The following CSMD1 variants were observed in gnomAD, a reference collection of about 807,000 sequenced individuals.
CSMD1 encodes the protein CUB and sushi domain-containing protein 1.
In CSMD1, 213 loss-of-function variants were observed where a neutral mutation model predicts 417.5. The ratio of observed to expected loss-of-function variants is 0.51; its 90% CI spans 0.46 to 0.57. The LOEUF (loss-of-function observed/expected upper bound fraction) is 0.57, where lower values mean the gene tolerates loss of function less well. Ranked by LOEUF, CSMD1 falls within the 20% of genes least tolerant of loss-of-function variation. The probability of loss-of-function intolerance (pLI) is 0.00; values close to 1 mark genes in which losing one functional copy is unlikely to be tolerated. For synonymous variants in CSMD1, 2,862 were observed against 1,736.8 expected (o/e 1.65, Z -16.11); for missense variants, 6,923 against 4,529.7 (o/e 1.53, Z -15.17).
At chr8:4,903,981 A>T (rs1805068009) in intron 1 of CSMD1, among the ~76,000 whole-genome samples, 1 of 152,234 alleles carries the variant, frequency 6.6e-6, no homozygotes, top group Non-Finnish European at 1.5e-5. Context: ...CATAAAGTGT[A>T]AAATCATATG....
In CSMD1 at chr8:4,199,081, G is replaced by A. The variant is rs535230401; in HGVS notation, c.416-166982C>T. Among the ~76,000 whole-genome samples, 40 of 152,212 alleles carry A rather than the reference G, an allele frequency of 2.6e-4. 1 individual carries two copies. The highest frequency in any genetic ancestry group is 2.2e-3 in the Admixed American group (34 of 15,286). ...CTGGCAAAACCCCTGAGGTAGTAGA[G>A]CCAGCGCCCAGCTCACCCTGAGCTT... is the stretch of plus-strand genomic sequence containing the variant. On this transcript the variant is annotated intron_variant, in intron 3 of 69. Transcript: ENST00000635120.
chr8:3,324,682 C>G (rs555613708), intron 23 of CSMD1, among the ~76,000 whole-genome samples: 1 of 151,302 alleles, frequency 6.6e-6, no homozygotes, highest in East Asian at 2.0e-4. Context: ...TCCTTCACCC[C>G]ACTTTTCGTC....
intron 11 of CSMD1, among the ~76,000 whole-genome samples, chr8:3,492,206 C>G (rs552242760): frequency 5.9e-5 from 9 of 152,232 alleles, no homozygotes; most frequent in African/African-American, 1.7e-4. Flanking sequence ...TTCTCCATTG[C>G]TTCAGTGGAG....
intron 2 of CSMD1, among the ~76,000 whole-genome samples, chr8:4,559,370 T>C (rs1050028830): frequency 2.0e-5 from 3 of 152,172 alleles, no homozygotes; most frequent in Admixed American, 1.3e-4. Flanking sequence ...TTATAAAATA[T>C]TAAAAAAAAT....
intron 1 of CSMD1, among the ~76,000 whole-genome samples, chr8:4,745,900 C>A (rs755820928): frequency 2.0e-5 from 3 of 152,156 alleles, no homozygotes; most frequent in African/African-American, 7.2e-5. Context: ...CAGCCACTTC[C>A]GTGCAATCAA....
chr8:3,054,145 G>A (rs1015766255), intron 49 of CSMD1, among the ~76,000 whole-genome samples: 1 of 152,114 alleles, frequency 6.6e-6, no homozygotes, highest in Non-Finnish European at 1.5e-5. Flanking sequence ...CGGTATTGTT[G>A]GAGTTCCTTG....
At chr8:3,138,478 A>T (rs1818238516) in intron 41 of CSMD1, among the ~76,000 whole-genome samples, 2 of 152,200 alleles carry the variant, frequency 1.3e-5, no homozygotes, top group Non-Finnish European at 2.9e-5. Context: ...TGAGTCCAGA[A>T]GTAGAGAGAA....
intron 63 of CSMD1, among the ~76,000 whole-genome samples, chr8:2,956,828 A>G (rs1554471426): frequency 6.6e-6 from 1 of 152,180 alleles, no homozygotes; most frequent in Non-Finnish European, 1.5e-5. Context: ...AGTAACCACA[A>G]CAAATACCTG....
At chr8:3,558,129 GT>G (rs1799245679) in intron 10 of CSMD1, among the ~76,000 whole-genome samples, 1 of 143,780 alleles carries the variant, frequency 7.0e-6, no homozygotes, top group African/African-American at 2.5e-5. Flanking sequence ...ATGGTACCCC[GT>G]GTCCACTCCT....
At chr8:3,213,592 T>TG (rs1203012583) in intron 30 of CSMD1, among the ~76,000 whole-genome samples, 1 of 152,056 alleles carries the variant, frequency 6.6e-6, no homozygotes, top group African/African-American at 2.4e-5. Flanking sequence ...ATTGCTGTTT[T>TG]GGGGGGAAAT....
chr8:3,304,847 A>G (rs1414602905), intron 25 of CSMD1, among the ~76,000 whole-genome samples: 1 of 152,140 alleles, frequency 6.6e-6, no homozygotes, highest in African/African-American at 2.4e-5. Context: ...AATTCCAGTA[A>G]ATTAAGCCAC....
chr8:4,107,868 G>C (rs1025035517), intron 3 of CSMD1, among the ~76,000 whole-genome samples: 1 of 152,134 alleles, frequency 6.6e-6, no homozygotes, highest in African/African-American at 2.4e-5. Context: ...GAAATAGAAG[G>C]AATTACTCAC....
chr8:3,291,480 A>G (rs1002357138), intron 25 of CSMD1, among the ~76,000 whole-genome samples: 11 of 152,128 alleles, frequency 7.2e-5, no homozygotes, highest in Admixed American at 2.0e-4. Context: ...TTGGTAAGCT[A>G]TTGATTATTG....
intron 12 of CSMD1, among the ~76,000 whole-genome samples, chr8:3,439,311 T>TATATATATATA (rs1563390619): frequency 1.1e-4 from 4 of 36,318 alleles, no homozygotes; most frequent in East Asian, 1.2e-3. Context: ...ATATATATAT[T>TATATATATATA]TTTTTTTTTA....
chr8:3,116,279 C>A (rs1438007516), intron 42 of CSMD1, among the ~76,000 whole-genome samples: 2 of 152,046 alleles, frequency 1.3e-5, no homozygotes, highest in Non-Finnish European at 2.9e-5. Flanking sequence ...GTTTCGGTTT[C>A]TTTATTAGGT....
At chr8:4,131,967 T>C (rs188232230) in intron 3 of CSMD1, among the ~76,000 whole-genome samples, 3 of 152,104 alleles carry the variant, frequency 2.0e-5, no homozygotes, top group East Asian at 1.9e-4. Context: ...GCTTTCACCA[T>C]GTTAGCCAGG....
At chr8:3,369,220 G>T in intron 19 of CSMD1, 34 bp downstream of exon 19, 6 of 1,022,938 alleles carry the variant, frequency 5.9e-6, no homozygotes, top group East Asian at 4.8e-5. Context: ...TCATTTATTA[G>T]TCTGTATGTT....
intron 23 of CSMD1, among the ~76,000 whole-genome samples, chr8:3,312,817 A>G (rs58656441): frequency 0.019 from 2,871 of 147,248 alleles, 88 homozygotes; most frequent in African/African-American, 0.068. Flanking sequence ...GTTAGACTTC[A>G]ATCTGGTGTT....
chr8:4,082,686 C>T (rs1585275424), intron 3 of CSMD1, among the ~76,000 whole-genome samples: 2 of 151,792 alleles, frequency 1.3e-5, no homozygotes, highest in African/African-American at 2.4e-5. Flanking sequence ...CATATGCATA[C>T]ATGTGCCATG....
Sources: gnomAD v4.1 joint callset for allele counts (sites outside exome capture counted in the v4.1 genomes callset) on GRCh38, gnomAD v4.1.1 for gene constraint, MANE v1.5 for transcripts, NCBI Gene and HGNC (gene_info 2026-07-23, HGNC 2026-07-21) for gene names.